CYLD: variants seen among roughly 807,000 people sequenced by gnomAD.
The protein encoded by CYLD is CYLD lysine 63 deubiquitinase.
In CYLD, 26 loss-of-function variants were observed where a neutral mutation model predicts 104.5. The ratio of observed to expected loss-of-function variants is 0.25; its 90% CI spans 0.18 to 0.35. The LOEUF is 0.35. Ranked by LOEUF, CYLD falls within the 10% of genes least tolerant of loss-of-function variation. The pLI is 1.00. For missense variants in CYLD, 703 were observed against 1,136.1 expected, an observed-to-expected ratio of 0.62 and a Z score of 5.48; for synonymous variants, 385 against 399.9, an observed-to-expected ratio of 0.96 and a Z score of 0.45.
chr16:50,781,465 C>T, intron 10 of CYLD, 54 bp downstream of exon 10: 1 of 1,586,192 alleles, frequency 6.3e-7, no homozygotes, highest in Non-Finnish European at 8.6e-7. Context: ...TAATTCTAAT[C>T]TCATATCATG....
rs779677424 is a variant in CYLD, at chr16:50,779,755, T to A, written c.1229T>A (p.Leu410Gln). Reference protein sequence around the residue: ...PPLQPPPVNSLTTENRFHSLP... With the variant: ...PPLQPPPVNSQTTENRFHSLP... ...CTCCAGCCTCCTCCTGTGAACTCAC[T>A]GACCACCGAGAACAGATTCCACTCT... The change falls in exon 9 of 19, where the codon CTG becomes CAG. Residue 410 changes from leucine to glutamine, a missense_variant. Leu to Gln is a moderately radical substitution (Grantham distance 113, BLOSUM62 -2). Transcript: ENST00000427738. 6.4e-7 allele frequency: 1 copy of A among 1,566,660 alleles called. No individual in the cohort carries two copies. Among genetic ancestry groups the A allele is most frequent in the South Asian group, 1.1e-5 (1 of 89,508 alleles).
intron 14 of CYLD, among the ~76,000 whole-genome samples, chr16:50,789,011 T>A (rs1025320073): frequency 3.9e-5 from 6 of 152,190 alleles, no homozygotes; most frequent in Non-Finnish European, 8.8e-5. Context: ...CTTAACATAC[T>A]TCAGGAAAGT....
chr16:50,742,906 CGGGGG>C, intron 2 of CYLD, 65 bp downstream of exon 2: 2 of 122,804 alleles, frequency 1.6e-5, no homozygotes, highest in Non-Finnish European at 3.0e-5. Context: ...GAATGGGGGG[CGGGGG>C]CGAAGTCATG....
chr16:50,752,718 G>C (rs1279938010), intron 4 of CYLD, among the ~76,000 whole-genome samples: 1 of 152,096 alleles, frequency 6.6e-6, no homozygotes, highest in Non-Finnish European at 1.5e-5. Context: ...TGATTTCTCT[G>C]TCTGAATTTG....
chr16:50,761,951 C>T (rs1009317115), intron 5 of CYLD, among the ~76,000 whole-genome samples: 1 of 152,202 alleles, frequency 6.6e-6, no homozygotes, highest in Non-Finnish European at 1.5e-5. Flanking sequence ...CCACGTGTAG[C>T]GTGGTATATT....
At chr16:50,759,726 C>G (rs1967688779) in intron 5 of CYLD, among the ~76,000 whole-genome samples, 1 of 152,180 alleles carries the variant, frequency 6.6e-6, no homozygotes, top group South Asian at 2.1e-4. Context: ...TTTCCACCTC[C>G]TTTTCCACAC....
intron 14 of CYLD, 22 bp from the exon 15 acceptor site, chr16:50,791,536 T>G (rs1971433243): frequency 1.9e-6 from 3 of 1,613,286 alleles, no homozygotes; most frequent in Non-Finnish European, 1.7e-6. Context: ...TTGTATGTAT[T>G]TTTTTCTCTG....
At position 50,752,500 on chromosome 16, in the gene CYLD, A is replaced by T. The variant is rs1966712903; in HGVS notation, c.807+594A>T. On this transcript the variant is annotated intron_variant, in intron 4 of 18. Transcript: ENST00000427738. The stretch of plus-strand genomic sequence containing the variant: ...TCATAGGATTTCATTCATTTTAAAA[A>T]CCTTTTTTAATTGTGGTAAAATATA... Among the ~76,000 whole-genome samples the T allele has an allele frequency of 1.3e-5, 2 of 152,184 alleles. 1 individual carries two copies. Among genetic ancestry groups the T allele is most frequent in the South Asian group, 4.1e-4 (2 of 4,832 alleles).
Position 50,796,391 on chromosome 16 carries a change from G to T in CYLD, c.2754G>T (p.Met918Ile). Reference protein sequence around the residue: ...PCPEVGEYLKMSLEDLHSLDS... With the variant: ...PCPEVGEYLKISLEDLHSLDS... ...CAGAAGTAGGAGAGTACTTGAAGATGTCTCTGGAAGACCTGCATTCCTTGG... is the reference window on the plus strand; with the variant it reads ...CAGAAGTAGGAGAGTACTTGAAGATTTCTCTGGAAGACCTGCATTCCTTGG... Residue 918 changes from methionine to isoleucine, a missense_variant, in exon 19 of 19, where the codon ATG becomes ATT. This residue lies in a region of CYLD where 130 missense variants were observed against 220.2 expected (regional missense o/e 0.59). Transcript: ENST00000427738. 1 of 1,614,154 alleles carries T rather than the reference G, an allele frequency of 6.2e-7. No individual in the cohort carries two copies. Among genetic ancestry groups the T allele is most frequent in the Non-Finnish European group, 8.5e-7 (1 of 1,180,014 alleles).
At chr16:50,779,568 G>A in intron 8 of CYLD, 97 bp from the exon 9 acceptor site, 1 of 1,189,748 alleles carries the variant, frequency 8.4e-7, no homozygotes, top group Non-Finnish European at 1.2e-6. Context: ...GGGAGGTCAG[G>A]TGGGCAGTTG....
intron 5 of CYLD, among the ~76,000 whole-genome samples, chr16:50,760,473 T>C (rs374773504): frequency 2.6e-5 from 4 of 152,192 alleles, no homozygotes; most frequent in Admixed American, 6.5e-5. Flanking sequence ...GAATTTCTTA[T>C]ATATCTTTCC....
At chr16:50,762,498 A>G (rs549366582) in intron 5 of CYLD, among the ~76,000 whole-genome samples, 1 of 152,330 alleles carries the variant, frequency 6.6e-6, no homozygotes, top group South Asian at 2.1e-4. Context: ...GCCTATCCAT[A>G]GCTTTAGAAG....
intron 11 of CYLD, 99 bp from the exon 12 acceptor site, chr16:50,784,230 T>G: frequency 7.6e-7 from 1 of 1,320,630 alleles, no homozygotes; most frequent in Non-Finnish European, 1.1e-6. Flanking sequence ...TTATTTGTTC[T>G]CCAGACTTTA....
At chr16:50,787,987 A>C (rs1971021890) in intron 14 of CYLD, 135 bp downstream of exon 14, 4 of 561,760 alleles carry the variant, frequency 7.1e-6, no homozygotes, top group Non-Finnish European at 9.6e-6. Flanking sequence ...GGCTAGGGGA[A>C]TATCATGCAA....
rs149956391 is a variant in CYLD at position 50,782,907 on chromosome 16, C to A, written c.1826+441C>A. 1.5e-3 allele frequency among the ~76,000 whole-genome samples: 210 copies of A among 140,160 alleles called. 3 individuals carry two copies. Among genetic ancestry groups the A allele is most frequent in the East Asian group, 5.1e-3 (23 of 4,550 alleles). 92.0% of individuals were successfully genotyped at this position (140,160 alleles called of 152,430 possible). On this transcript the variant is annotated intron_variant, in intron 11 of 18. Transcript: ENST00000427738. ...ATATGCAATTTTTTCCAAAGTGGAA[C>A]AACTTAAGATTTTTTTTTTTTTTTT...
At chr16:50,755,024 CATATATATGTATAT>C (rs1175016364) in intron 5 of CYLD, among the ~76,000 whole-genome samples, 1 of 96,574 alleles carries the variant, frequency 1.0e-5, no homozygotes, top group African/African-American at 4.1e-5. Flanking sequence ...TGTATATATA[CATATATATGTATAT>C]ATACATATAT....
In CYLD at chr16:50,769,650, A is replaced by T. The variant is rs76292341; in HGVS notation, c.914-5516A>T. Among the ~76,000 whole-genome samples the T allele has an allele frequency of 5.3e-3, 812 of 152,262 alleles. 8 individuals carry two copies. Among genetic ancestry groups the T allele is most frequent in the African/African-American group, 0.018 (747 of 41,548 alleles). On this transcript the variant is annotated intron_variant, in intron 5 of 18. Coordinates refer to ENST00000427738, the MANE Select transcript of CYLD (RefSeq NM_001378743.1). ...AGGGACCCTGTGTGCCCTTTAGCCA[A>T]TTTTTCCCAGCGGTAACATTAACAT...
chr16:50,796,070 T>A (rs1192335823), intron 18 of CYLD, among the ~76,000 whole-genome samples: 1 of 152,082 alleles, frequency 6.6e-6, no homozygotes, highest in Admixed American at 6.5e-5. Flanking sequence ...GTCTGGAAAG[T>A]AGGTTGGGGG....
chr16:50,787,746 T>A (rs749393392), intron 13 of CYLD, 40 bp from the exon 14 acceptor site: 21 of 1,120,804 alleles, frequency 1.9e-5, no homozygotes, highest in Non-Finnish European at 2.7e-5. Context: ...GATTTAAAAA[T>A]TTTGCCTGTG....
Sources: gnomAD v4.1 joint callset for allele counts (sites outside exome capture counted in the v4.1 genomes callset) on GRCh38, gnomAD v4.1.1 for gene constraint, gnomAD v4.1.1 regional missense constraint, MANE v1.5 for transcripts, NCBI Gene and HGNC (gene_info 2026-07-23, HGNC 2026-07-21) for gene names.